The following PAMR1 variants were observed in gnomAD, a reference collection of about 807,000 sequenced individuals.
The protein encoded by PAMR1 is peptidase domain containing associated with muscle regeneration 1, also known as inactive serine protease PAMR1.
In PAMR1, 88 loss-of-function variants were observed where a neutral mutation model predicts 81.8. The ratio of observed to expected loss-of-function variants is 1.08; its 90% confidence interval spans 0.91 to 1.28. PAMR1 has a LOEUF of 1.28. Ranked by LOEUF, PAMR1 falls within the 50% of genes most tolerant of loss-of-function variation. The pLI is 0.00. For synonymous variants in PAMR1, 336 were observed against 345.3 expected (o/e 0.97, Z 0.30); for missense variants, 935 against 919.7 (o/e 1.02, Z -0.21).
upstream of PAMR1, among the ~76,000 whole-genome samples, chr11:35,528,366 G>T (rs1851422859): frequency 6.6e-6 from 1 of 152,134 alleles, no homozygotes; most frequent in African/African-American, 2.4e-5. Flanking sequence ...TTACTAACTA[G>T]TCTTATCTCC....
chr11:35,527,022 G>A (rs987952075), upstream of PAMR1, among the ~76,000 whole-genome samples: 3 of 152,174 alleles, frequency 2.0e-5, no homozygotes, highest in Non-Finnish European at 4.4e-5. Flanking sequence ...GGAAGTGGAA[G>A]GGAAAAGATA....
At chr11:35,452,050 C>A in intron 6 of PAMR1, 1 of 456,478 alleles carries the variant, frequency 2.2e-6, no homozygotes, top group Non-Finnish European at 3.9e-6. Context: ...GAAATACAGA[C>A]AATAGAAACA....
intron 3 of PAMR1, among the ~76,000 whole-genome samples, chr11:35,490,932 C>A (rs1023678555): frequency 1.3e-5 from 2 of 152,188 alleles, no homozygotes; most frequent in African/African-American, 4.8e-5. Context: ...CTGTTTCATT[C>A]TAGAGCTTGT....
chr11:35,445,801 G>A (rs1431042287), intron 6 of PAMR1, among the ~76,000 whole-genome samples: 1 of 152,066 alleles, frequency 6.6e-6, no homozygotes, highest in African/African-American at 2.4e-5. Flanking sequence ...TTGTTTTTTT[G>A]TTGCATCTCT....
chr11:35,504,039 T>C (rs1205591251), intron 1 of PAMR1, among the ~76,000 whole-genome samples: 1 of 152,172 alleles, frequency 6.6e-6, no homozygotes, highest in Non-Finnish European at 1.5e-5. Context: ...TATTTTGGAC[T>C]ATGTTCTTTC....
At chr11:35,456,770 TG>T (rs913931098) in intron 6 of PAMR1, among the ~76,000 whole-genome samples, 7 of 152,192 alleles carry the variant, frequency 4.6e-5, no homozygotes, top group Non-Finnish European at 8.8e-5. Flanking sequence ...CCAAATCCTC[TG>T]GGAAGTATTG....
At chr11:35,493,816 TGTATTCCCA>T (rs1850672660) in intron 2 of PAMR1, among the ~76,000 whole-genome samples, 1 of 152,242 alleles carries the variant, frequency 6.6e-6, no homozygotes, top group Admixed American at 6.5e-5. Context: ...GTTTTATCAT[TGTATTCCCA>T]GTACCCCACA....
At chr11:35,494,035 G>C in intron 2 of PAMR1, 61 bp downstream of exon 2, 22 of 1,362,642 alleles carry the variant, frequency 1.6e-5, no homozygotes, top group Non-Finnish European at 2.1e-5. Flanking sequence ...CGTTCAGCCT[G>C]TTCCTGTTCA....
intron 3 of PAMR1, among the ~76,000 whole-genome samples, chr11:35,483,773 T>C (rs16927514): frequency 0.04 from 6,149 of 152,316 alleles, 156 homozygotes; most frequent in Middle Eastern, 0.058. Context: ...CATCCTTCTA[T>C]ACCTTCACCA....
At chr11:35,446,177 T>A (rs1565328717) in intron 6 of PAMR1, among the ~76,000 whole-genome samples, 1 of 152,224 alleles carries the variant, frequency 6.6e-6, no homozygotes, top group South Asian at 2.1e-4. Flanking sequence ...AGTGGTGATA[T>A]CCCCTTTATT....
chr11:35,513,241 C>G (rs1413716064), intron 1 of PAMR1: 1 of 152,222 alleles, frequency 6.6e-6, no homozygotes, highest in Non-Finnish European at 1.5e-5. Context: ...TTTCTATATA[C>G]CAGACACAGT....
intron 6 of PAMR1, among the ~76,000 whole-genome samples, chr11:35,444,324 G>T (rs1727817479): frequency 6.6e-6 from 1 of 152,040 alleles, no homozygotes; most frequent in African/African-American, 2.4e-5. Context: ...AGTTTATTTT[G>T]CTGTGCAGAA....
chr11:35,505,504 A>G (rs1850932683), intron 1 of PAMR1, among the ~76,000 whole-genome samples: 1 of 152,010 alleles, frequency 6.6e-6, no homozygotes, highest in Admixed American at 6.6e-5. Flanking sequence ...TGTTTTCTTT[A>G]TATACTTGGG....
At chr11:35,512,397 T>C (rs72924855) in intron 1 of PAMR1, among the ~76,000 whole-genome samples, 1,863 of 152,302 alleles carry the variant, frequency 0.012, 20 homozygotes, top group Non-Finnish European at 0.02. Context: ...TTGCCCCAGG[T>C]AACACGGCTT....
intron 6 of PAMR1, among the ~76,000 whole-genome samples, chr11:35,457,504 A>G (rs76141437): frequency 0.022 from 3,180 of 142,564 alleles, 126 homozygotes; most frequent in African/African-American, 0.077. Context: ...GTGTGTGTGT[A>G]TACACATATT....
intron 6 of PAMR1, among the ~76,000 whole-genome samples, chr11:35,455,044 G>T (rs781425926): frequency 6.6e-6 from 1 of 152,188 alleles, no homozygotes; most frequent in Non-Finnish European, 1.5e-5. Context: ...GACAGCGACT[G>T]CCTTTTTCAT....
intron 6 of PAMR1, among the ~76,000 whole-genome samples, chr11:35,445,703 G>A (rs1198251763): frequency 6.6e-6 from 1 of 152,170 alleles, no homozygotes; most frequent in African/African-American, 2.4e-5. Flanking sequence ...TGGTGGATAA[G>A]CTTTTTGATG....
chr11:35,442,503 C>T (rs1330074836), intron 6 of PAMR1, among the ~76,000 whole-genome samples: 2 of 152,134 alleles, frequency 1.3e-5, no homozygotes, highest in Admixed American at 6.5e-5. Context: ...CTAAGGAAGC[C>T]GAGCTCCCAT....
chr11:35,523,448 T>A (rs996041369), intron 1 of PAMR1, among the ~76,000 whole-genome samples: 1 of 152,216 alleles, frequency 6.6e-6, no homozygotes, highest in Non-Finnish European at 1.5e-5. Flanking sequence ...GTGAAGTCAG[T>A]GGAGTTGGGT....
Sources: allele counts gnomAD v4.1 joint callset (sites outside exome capture counted in the v4.1 genomes callset), GRCh38; gene constraint gnomAD v4.1.1; transcripts MANE v1.5; gene names NCBI Gene and HGNC (gene_info 2026-07-23, HGNC 2026-07-21).